KCNQ5: variants seen among roughly 807,000 people sequenced by gnomAD.
KCNQ5 encodes the protein potassium voltage-gated channel subfamily KQT member 5.
In KCNQ5, 30 loss-of-function variants were observed where a neutral mutation model predicts 98.2. The observed-to-expected ratio is 0.31, with a 90% confidence interval of 0.23 to 0.41. The LOEUF (loss-of-function observed/expected upper bound fraction) is 0.41. Among genes scored for constraint, KCNQ5 ranks in the 10% least tolerant of loss-of-function variants. The pLI is 1.00. For missense variants in KCNQ5, 835 were observed against 1,182.5 expected (o/e 0.71, Z 4.31); for synonymous variants, 458 against 449.4 (o/e 1.02, Z -0.24).
At chr6:72,674,824 T>C (rs369311612) in intron 1 of KCNQ5, among the ~76,000 whole-genome samples, 2 of 152,154 alleles carry the variant, frequency 1.3e-5, no homozygotes, top group South Asian at 4.2e-4. Context: ...GGAGTAAGTG[T>C]GGCAAATTAT....
intron 1 of KCNQ5, among the ~76,000 whole-genome samples, chr6:72,706,026 A>G (rs991251591): frequency 1.3e-5 from 2 of 152,114 alleles, no homozygotes; most frequent in Non-Finnish European, 2.9e-5. Flanking sequence ...ATATTGGACA[A>G]ATCTTTGCTG....
chr6:73,050,320 AAGGAAGGAAGGGAGGGAGGGAAG>A (rs1197276031), intron 3 of KCNQ5, among the ~76,000 whole-genome samples: 1 of 129,306 alleles, frequency 7.7e-6, no homozygotes, highest in Non-Finnish European at 1.7e-5. Flanking sequence ...GGGAGGGAAG[AAGGAAGGAAGGGAGGGAGGGAAG>A]GAGGGAGGGA....
intron 1 of KCNQ5, among the ~76,000 whole-genome samples, chr6:72,943,934 T>C (rs1766423064): frequency 6.6e-6 from 1 of 152,188 alleles, no homozygotes; most frequent in South Asian, 2.1e-4. Flanking sequence ...CAGAAAGTAT[T>C]ATTTCCCCCT....
chr6:72,923,051 A>G (rs1326234081), intron 1 of KCNQ5, among the ~76,000 whole-genome samples: 2 of 151,762 alleles, frequency 1.3e-5, no homozygotes, highest in Non-Finnish European at 2.9e-5. Context: ...ACCTCAAGCA[A>G]TCCACCTGCC....
chr6:72,944,383 C>A (rs1401489036), intron 1 of KCNQ5, among the ~76,000 whole-genome samples: 2 of 152,108 alleles, frequency 1.3e-5, no homozygotes, highest in African/African-American at 4.8e-5. Flanking sequence ...AAGGTCAATT[C>A]TTTAAAAAGT....
intron 7 of KCNQ5, among the ~76,000 whole-genome samples, chr6:73,117,767 A>G (rs935602563): frequency 6.6e-6 from 1 of 152,232 alleles, no homozygotes; most frequent in Non-Finnish European, 1.5e-5. Context: ...CATCACTACT[A>G]CAGAAGAAGC....
chr6:73,191,631 T>TC (rs1164752027), intron 12 of KCNQ5, among the ~76,000 whole-genome samples: 1 of 152,168 alleles, frequency 6.6e-6, no homozygotes, highest in African/African-American at 2.4e-5. Context: ...GGGCCCTTAG[T>TC]AAAATACCTG....
chr6:73,009,603 G>GA (rs1769972487), intron 2 of KCNQ5, among the ~76,000 whole-genome samples: 1 of 152,074 alleles, frequency 6.6e-6, no homozygotes, highest in African/African-American at 2.4e-5. Flanking sequence ...TTGGCTGTTA[G>GA]AAAAGGTTGA....
chr6:72,831,399 A>T (rs1776260923), intron 1 of KCNQ5, among the ~76,000 whole-genome samples: 1 of 152,214 alleles, frequency 6.6e-6, no homozygotes, highest in Non-Finnish European at 1.5e-5. Context: ...CTATGCAGCC[A>T]TAAAAAAGGA....
At chr6:72,803,142 T>C (rs2150095682) in intron 1 of KCNQ5, among the ~76,000 whole-genome samples, 2 of 152,298 alleles carry the variant, frequency 1.3e-5, no homozygotes, top group Middle Eastern at 3.4e-3. Context: ...ATAATTGTCT[T>C]AGACACAATC....
At chr6:72,756,117 T>C (rs1395731570) in intron 1 of KCNQ5, among the ~76,000 whole-genome samples, 1 of 152,204 alleles carries the variant, frequency 6.6e-6, no homozygotes, top group Non-Finnish European at 1.5e-5. Flanking sequence ...TGTGAAACTT[T>C]TAGCTAATTT....
At chr6:72,623,349 C>T (rs1170540683) in intron 1 of KCNQ5, among the ~76,000 whole-genome samples, 1 of 148,118 alleles carries the variant, frequency 6.8e-6, no homozygotes, top group Non-Finnish European at 1.5e-5. Context: ...TGACAGAGAT[C>T]GGGCAGTGGG....
intron 1 of KCNQ5, among the ~76,000 whole-genome samples, chr6:72,731,417 C>G (rs1433368356): frequency 6.6e-6 from 1 of 152,188 alleles, no homozygotes; most frequent in East Asian, 1.9e-4. Flanking sequence ...TGTCTTTCAA[C>G]ACAATAAAGG....
At chr6:73,021,569 C>T (rs111822147) in intron 2 of KCNQ5, among the ~76,000 whole-genome samples, 1 of 152,018 alleles carries the variant, frequency 6.6e-6, no homozygotes, top group Non-Finnish European at 1.5e-5. Flanking sequence ...TCACTTTAGC[C>T]CCAGTGCCTA....
chr6:72,669,910 CTTTTTT>C (rs541665177), intron 1 of KCNQ5, among the ~76,000 whole-genome samples: 7 of 134,998 alleles, frequency 5.2e-5, no homozygotes, highest in Middle Eastern at 3.9e-3. Flanking sequence ...ACTTTCTTTC[CTTTTTT>C]TTTTTTTTTT....
chr6:72,786,770 G>A (rs1340592027), intron 1 of KCNQ5, among the ~76,000 whole-genome samples: 1 of 152,042 alleles, frequency 6.6e-6, no homozygotes, highest in Non-Finnish European at 1.5e-5. Flanking sequence ...ACTTTGGGAG[G>A]CAGAGGCGGG....
intron 1 of KCNQ5, among the ~76,000 whole-genome samples, chr6:72,963,668 T>G (rs1767478995): frequency 6.6e-6 from 1 of 152,108 alleles, no homozygotes; most frequent in Non-Finnish European, 1.5e-5. Flanking sequence ...ATTTATTTAT[T>G]TATTTATTTA....
At chr6:73,079,280 A>G (rs1773665462) in intron 5 of KCNQ5, among the ~76,000 whole-genome samples, 1 of 152,220 alleles carries the variant, frequency 6.6e-6, no homozygotes, top group African/African-American at 2.4e-5. Flanking sequence ...TTTTGGTTCA[A>G]AAAACCCCGT....
chr6:73,094,333 T>C (rs1159010527), intron 5 of KCNQ5, among the ~76,000 whole-genome samples: 1 of 152,184 alleles, frequency 6.6e-6, no homozygotes, highest in Non-Finnish European at 1.5e-5. Flanking sequence ...GGTAGTTGGT[T>C]GGTGAATTCT....
Sources: gnomAD v4.1 joint callset for allele counts (sites outside exome capture counted in the v4.1 genomes callset) on GRCh38, gnomAD v4.1.1 for gene constraint, MANE v1.5 for transcripts, NCBI Gene and HGNC (gene_info 2026-07-23, HGNC 2026-07-21) for gene names.